USP13: variants seen among roughly 807,000 people sequenced by gnomAD.
The protein encoded by USP13 is ubiquitin specific peptidase 13.
In USP13, 68 loss-of-function variants were observed where a neutral mutation model predicts 107.8. The observed-to-expected ratio is 0.63, with a 90% CI of 0.52 to 0.77. USP13 has a LOEUF of 0.77. Among genes scored for constraint, USP13 ranks in the 30% least tolerant of loss-of-function variants. USP13 has a pLI of 0.00. For missense variants in USP13, 945 were observed against 1,093.3 expected, an observed-to-expected ratio of 0.86 and a Z score of 1.91; for synonymous variants, 377 against 389.5, an observed-to-expected ratio of 0.97 and a Z score of 0.38.
chr3:179,655,041 G>A (rs1720209844), intron 1 of USP13, among the ~76,000 whole-genome samples: 1 of 152,114 alleles, frequency 6.6e-6, no homozygotes, highest in Non-Finnish European at 1.5e-5. Context: ...AGATTGTATG[G>A]CCAGTGTTGG....
At chr3:179,740,096 C>A (rs772856946) in intron 10 of USP13, 151 bp from the exon 11 acceptor site, 3 of 1,063,506 alleles carry the variant, frequency 2.8e-6, no homozygotes, top group African/African-American at 1.6e-5. Flanking sequence ...AAACACCCAG[C>A]GAGTATTGGC....
chr3:179,689,329 T>G (rs1320505766), intron 2 of USP13, among the ~76,000 whole-genome samples: 4 of 152,178 alleles, frequency 2.6e-5, no homozygotes, highest in Non-Finnish European at 1.5e-5. Flanking sequence ...GCATTTTATT[T>G]CATTACTGCT....
chr3:179,671,900 C>G (rs1382768371), intron 1 of USP13, among the ~76,000 whole-genome samples: 1 of 152,110 alleles, frequency 6.6e-6, no homozygotes, highest in Non-Finnish European at 1.5e-5. Flanking sequence ...CTACCTACAT[C>G]ATGTTTCTCT....
chr3:179,694,918 A>G (rs559906680), intron 3 of USP13, among the ~76,000 whole-genome samples: 97 of 152,262 alleles, frequency 6.4e-4, no homozygotes, highest in African/African-American at 1.8e-3. Context: ...AGAGCCCCCA[A>G]TCAGTTTACG....
intron 1 of USP13, among the ~76,000 whole-genome samples, chr3:179,655,445 T>A (rs998483643): frequency 7.2e-5 from 11 of 152,176 alleles, no homozygotes; most frequent in African/African-American, 2.7e-4. Context: ...CTGGGATTAT[T>A]TACAAGGCTG....
rs1312270761 is a variant in USP13, at chr3:179,721,006, G to A, written c.901-396G>A. On this transcript the variant is annotated intron_variant, in intron 7 of 20. Transcript: ENST00000263966. This position sits in a 1 kb window ranked among gnomAD's most constrained non-coding sequence, Gnocchi z 4.3. ...GTATTTTTAGTAGAGACGGGGTTTT[G>A]CTATGTTGCTCAGGTGGGTCTCGAA... is the stretch of plus-strand genomic sequence containing the variant. Among the ~76,000 whole-genome samples the A allele has an allele frequency of 4.6e-5, 7 of 152,000 alleles. No homozygotes were observed. Among genetic ancestry groups the A allele is most frequent in the African/African-American group, 1.7e-4 (7 of 41,378 alleles).
chr3:179,756,941 C>T, intron 15 of USP13, 111 bp from the exon 16 acceptor site: 1 of 1,102,536 alleles, frequency 9.1e-7, no homozygotes, highest in East Asian at 2.4e-5. Context: ...AGTGTGTGGT[C>T]CCCAGGAGTG....
Position 179,708,897 on chromosome 3 carries a change from TAC to T in USP13, c.747_748del (p.Tyr249Ter). The stretch of plus-strand genomic sequence containing the variant: ...GGGCAACGGGCATGCGCTGGAGCAT[TAC>T]AGAGACATGGGCTACCCACTAGCCG... The part of the protein sequence containing the change: ...SGGNGHALEH[Y>X]RDMGYPLAVK... On this transcript the variant is annotated frameshift_variant, in exon 6 of 21. Coordinates refer to ENST00000263966, the MANE Select transcript of USP13 (RefSeq NM_003940.3). LOFTEE classifies it high-confidence loss of function. 1 of 1,614,068 alleles carries T rather than the reference TAC, an allele frequency of 6.2e-7. No individual in the cohort carries two copies. The highest frequency in any genetic ancestry group is 8.5e-7 in the Non-Finnish European group (1 of 1,180,012).
intron 6 of USP13, among the ~76,000 whole-genome samples, chr3:179,716,775 A>G (rs762487468): frequency 1.1e-4 from 17 of 152,200 alleles, no homozygotes; most frequent in South Asian, 2.1e-4. Flanking sequence ...CAGATTCTCA[A>G]TCTTGCTTCT....
chr3:179,703,470 G>A (rs1242448091), intron 4 of USP13, among the ~76,000 whole-genome samples: 1 of 152,184 alleles, frequency 6.6e-6, no homozygotes, highest in African/African-American at 2.4e-5. Flanking sequence ...GGTGATGCTG[G>A]GTTCACAGAG....
intron 1 of USP13, among the ~76,000 whole-genome samples, chr3:179,675,705 G>C (rs978781733): frequency 6.6e-6 from 1 of 151,868 alleles, no homozygotes; most frequent in Non-Finnish European, 1.5e-5. Flanking sequence ...GTTCCGCCAC[G>C]CCTGGCTAAT....
At chr3:179,776,094 AG>A (rs1334685744) in intron 19 of USP13, among the ~76,000 whole-genome samples, 1 of 152,220 alleles carries the variant, frequency 6.6e-6, no homozygotes, top group Admixed American at 6.5e-5. Flanking sequence ...TGAGATTTGG[AG>A]GGGACAAACA....
At chr3:179,731,627 A>T (rs1228934303) in intron 10 of USP13, among the ~76,000 whole-genome samples, 1 of 152,140 alleles carries the variant, frequency 6.6e-6, no homozygotes, top group Non-Finnish European at 1.5e-5. Flanking sequence ...CTGCATTTCC[A>T]CTGGACCCTC....
rs747598277 is a variant in USP13, at chr3:179,721,598, C to T, written c.1088+9C>T. On this transcript the variant is annotated intron_variant, in intron 8 of 20. Transcript: ENST00000263966. The surrounding 1 kb of genome is among the most constrained non-coding windows in gnomAD (Gnocchi z 4.3). ...CCAGAATTCCAGAGAGCGTAAGTGC[C>T]TTCCATGCAGACCAGGGCACGCGGC... The T allele has an allele frequency of 6.2e-7, 1 of 1,612,374 alleles. No homozygotes were observed. The highest frequency in any genetic ancestry group is 8.5e-7 in the Non-Finnish European group (1 of 1,179,742).
chr3:179,724,643 A>C (rs1713449602), intron 8 of USP13, among the ~76,000 whole-genome samples: 1 of 152,290 alleles, frequency 6.6e-6, no homozygotes. Context: ...AATAATTTTT[A>C]TTGAGGATTA....
chr3:179,655,599 G>C (rs1200351462), intron 1 of USP13, among the ~76,000 whole-genome samples: 1 of 137,826 alleles, frequency 7.3e-6, no homozygotes, highest in Admixed American at 7.4e-5. Flanking sequence ...TTGTTGCCCA[G>C]GCTGGAGTGC....
chr3:179,739,528 G>A (rs1355953326), intron 10 of USP13, among the ~76,000 whole-genome samples: 1 of 152,210 alleles, frequency 6.6e-6, no homozygotes, highest in East Asian at 1.9e-4. Context: ...GGGAGATGCT[G>A]CAGAGCTCTC....
chr3:179,680,301 T>C (rs1220020315), intron 1 of USP13, among the ~76,000 whole-genome samples: 4 of 152,204 alleles, frequency 2.6e-5, no homozygotes, highest in African/African-American at 9.6e-5. Context: ...TATGTACTTA[T>C]TGTTATTGCA....
Position 179,749,944 on chromosome 3 carries a change from G to A in USP13, c.1710-2341G>A, listed in dbSNP as rs564520120. ...ATTTTAAGCTAATATGGTAGGAAGA[G>A]TAGGTAAGAAAAAGAACATTTTTAC... is the stretch of plus-strand genomic sequence containing the variant. On this transcript the variant is annotated intron_variant, in intron 13 of 20. Transcript: ENST00000263966. Among the ~76,000 whole-genome samples the A allele has an allele frequency of 2.6e-5, 4 of 152,276 alleles. No individual in the cohort carries two copies. In the South Asian group the frequency reaches 8.3e-4, roughly 32 times the overall value.
Sources: gnomAD v4.1 joint callset for allele counts (sites outside exome capture counted in the v4.1 genomes callset) on GRCh38, gnomAD v4.1.1 for gene constraint, Gnocchi (gnomAD v3.1) non-coding constraint, MANE v1.5 for transcripts, NCBI Gene and HGNC (gene_info 2026-07-23, HGNC 2026-07-21) for gene names.